Variants in SCN8A observed in about 807,000 individuals in gnomAD.
SCN8A encodes sodium channel protein type 8 subunit alpha.
In SCN8A, 30 loss-of-function variants were observed where a neutral mutation model predicts 184.1. The observed-to-expected ratio is 0.16, with a 90% CI of 0.12 to 0.22. The LOEUF (loss-of-function observed/expected upper bound fraction) is 0.22. SCN8A is among the 10% of genes least tolerant of loss of function. The probability of loss-of-function intolerance (pLI) is 1.00; values close to 1 mark genes in which losing one functional copy is unlikely to be tolerated. For synonymous variants in SCN8A, 852 were observed against 907.0 expected (o/e 0.94, Z 1.09); for missense variants, 1,057 against 2,498.9 (o/e 0.42, Z 12.30).
chr12:51,807,400 CAA>C lies in SCN8A; in HGVS notation c.5918_5919del (p.Lys1973ArgfsTer24). 1.2e-6 allele frequency: 2 copies of C among 1,612,024 alleles called. No individual in the cohort carries two copies. Among genetic ancestry groups the C allele is most frequent in the Non-Finnish European group, 1.7e-6 (2 of 1,178,986 alleles). ...EEGRRERAKR[Q>X]KEVRESKC ...AGGAAGAAGGGAAAGAGCCAAAAGACAAAAAGAGGTCAGAGAATCCAAGTGTT... is the reference window on the plus strand; with the variant it reads ...AGGAAGAAGGGAAAGAGCCAAAAGACAAAGAGGTCAGAGAATCCAAGTGTT... On this transcript the variant is annotated frameshift_variant, in exon 27 of 27. Transcript: ENST00000627620. LOFTEE classifies it high-confidence loss of function. This position sits in a 1 kb window ranked among gnomAD's most constrained non-coding sequence, Gnocchi z 4.5.
At chr12:51,674,239 G>A (rs1941182996) in intron 2 of SCN8A, among the ~76,000 whole-genome samples, 1 of 152,196 alleles carries the variant, frequency 6.6e-6, no homozygotes, top group African/African-American at 2.4e-5. Flanking sequence ...CCTTGCTCTG[G>A]ATTCTTGCTC....
chr12:51,629,114 G>C (rs1940141199), intron 1 of SCN8A, among the ~76,000 whole-genome samples: 1 of 152,210 alleles, frequency 6.6e-6, no homozygotes, highest in African/African-American at 2.4e-5. Context: ...AGCTCGTAGA[G>C]GCAAATTCTA....
At chr12:51,613,004 G>C (rs1939755918) in intron 1 of SCN8A, among the ~76,000 whole-genome samples, 2 of 152,140 alleles carry the variant, frequency 1.3e-5, no homozygotes, top group African/African-American at 2.4e-5. Context: ...TTATAGGTGT[G>C]AGCCACCATA....
chr12:51,594,890 A>C (rs1939311318), intron 1 of SCN8A, among the ~76,000 whole-genome samples: 2 of 152,086 alleles, frequency 1.3e-5, no homozygotes, highest in South Asian at 4.1e-4. Flanking sequence ...TTTATAGTTC[A>C]CTTGCTAGTC....
intron 15 of SCN8A, among the ~76,000 whole-genome samples, chr12:51,765,404 C>G (rs1035065207): frequency 2.6e-5 from 4 of 152,110 alleles, no homozygotes; most frequent in African/African-American, 4.8e-5. Context: ...CAGACTGACT[C>G]AGATCTAAAG....
chr12:51,644,759 T>C (rs2138638383), intron 1 of SCN8A, among the ~76,000 whole-genome samples: 2 of 150,952 alleles, frequency 1.3e-5, no homozygotes, highest in South Asian at 2.1e-4. Context: ...GGAGCGTCTC[T>C]GCCCGGCCGC....
chr12:51,729,763 C>G lies in SCN8A; in HGVS notation c.1998+7855C>G, dbSNP rs188162848. On this transcript the variant is annotated intron_variant, in intron 12 of 26. Coordinates refer to ENST00000627620, the MANE Select transcript of SCN8A (RefSeq NM_001330260.2). The stretch of plus-strand genomic sequence containing the variant: ...GCCAAACAGTTCCTCAGAATAGTTA[C>G]ACCATTTTTTTATCCCACCAACAAT... 2.0e-5 allele frequency among the ~76,000 whole-genome samples: 3 copies of G among 152,208 alleles called. No individual in the cohort carries two copies. The East Asian group carries it at 5.8e-4, about 29-fold the overall frequency.
intron 1 of SCN8A, among the ~76,000 whole-genome samples, chr12:51,628,860 T>G (rs1746155709): frequency 6.6e-6 from 1 of 152,192 alleles, no homozygotes; most frequent in African/African-American, 2.4e-5. Flanking sequence ...TGGATAATAT[T>G]TTTACGGATG....
At chr12:51,668,957 C>A (rs1014785936) in intron 2 of SCN8A, among the ~76,000 whole-genome samples, 1 of 152,142 alleles carries the variant, frequency 6.6e-6, no homozygotes, top group Non-Finnish European at 1.5e-5. Flanking sequence ...CAAATCTAGA[C>A]GATGTAGCCT....
intron 1 of SCN8A, among the ~76,000 whole-genome samples, chr12:51,606,825 G>GTATTT (rs56405324): frequency 0.1 from 15,494 of 149,932 alleles, 897 homozygotes; most frequent in African/African-American, 0.13. Flanking sequence ...ATATTCCTAA[G>GTATTT]TATTTTATTT....
chr12:51,595,774 G>C (rs1287702602), intron 1 of SCN8A, among the ~76,000 whole-genome samples: 5 of 152,144 alleles, frequency 3.3e-5, no homozygotes, highest in Non-Finnish European at 5.9e-5. Context: ...GTATGTATTT[G>C]ACGTAGTATA....
Position 51,666,470 on chromosome 12 carries a change from C to A in SCN8A, c.276+3377C>A, listed in dbSNP as rs1246061984. On this transcript the variant is annotated intron_variant, in intron 2 of 26. Transcript: ENST00000627620. Reference sequence around the variant, plus strand: ...TAGCAAGATCTCTTCTACAAGGAAGCACACTGGGAATTAACCCACAAATCA... The same window carrying A: ...TAGCAAGATCTCTTCTACAAGGAAGAACACTGGGAATTAACCCACAAATCA... Among the ~76,000 whole-genome samples the A allele has an allele frequency of 2.0e-5, 3 of 152,216 alleles. No homozygotes were observed. The East Asian group carries it at 5.8e-4, about 29-fold the overall frequency.
intron 11 of SCN8A, among the ~76,000 whole-genome samples, chr12:51,716,154 C>T (rs532903032): frequency 7.2e-6 from 1 of 138,930 alleles, no homozygotes; most frequent in Non-Finnish European, 1.6e-5. Context: ...GGCAACATGG[C>T]GAAACCCTGT....
chr12:51,712,501 A>G (rs1941895251), intron 11 of SCN8A: 2 of 770,618 alleles, frequency 2.6e-6, no homozygotes, highest in African/African-American at 1.7e-5. Context: ...TTCCACCACT[A>G]GATGCATAAC....
At chr12:51,663,137 A>G in intron 2 of SCN8A, 44 bp downstream of exon 2, 1 of 1,604,252 alleles carries the variant, frequency 6.2e-7, no homozygotes, top group Non-Finnish European at 8.5e-7. Flanking sequence ...CTGTTTCCTA[A>G]CAGGCTTAGG....
At position 51,805,104 on chromosome 12, in the gene SCN8A, G is replaced by GA. The variant is rs553958990; in HGVS notation, c.4796-1170dup. 1.4e-3 allele frequency among the ~76,000 whole-genome samples: 205 copies of GA among 151,512 alleles called. 1 individual carries two copies. The highest frequency in any genetic ancestry group is 4.8e-3 in the African/African-American group (199 of 41,320). ...GGAAAATCATATGTGCACAAATCTG[G>GA]AAAAAAAACCTAATCATTCTTGAGT... On this transcript the variant is annotated intron_variant, in intron 26 of 26. Coordinates refer to ENST00000627620, the MANE Select transcript of SCN8A (RefSeq NM_001330260.2).
chr12:51,675,754 A>G (rs1941212234), intron 2 of SCN8A, among the ~76,000 whole-genome samples: 1 of 152,220 alleles, frequency 6.6e-6, no homozygotes, highest in African/African-American at 2.4e-5. Context: ...TTAAGAGTAT[A>G]GGCTTTGTAG....
chr12:51,659,615 T>G (rs1028408217), intron 1 of SCN8A, among the ~76,000 whole-genome samples: 9 of 152,050 alleles, frequency 5.9e-5, no homozygotes, highest in African/African-American at 2.2e-4. Context: ...ACTGGTAAGT[T>G]TGAGGGAGGG....
At chr12:51,603,604 A>G (rs1360586816) in intron 1 of SCN8A, among the ~76,000 whole-genome samples, 2 of 152,220 alleles carry the variant, frequency 1.3e-5, no homozygotes, top group African/African-American at 2.4e-5. Context: ...TTTATAAGCA[A>G]CTAACAACTG....
Sources: allele counts gnomAD v4.1 joint callset (sites outside exome capture counted in the v4.1 genomes callset), GRCh38; gene constraint gnomAD v4.1.1; non-coding constraint Gnocchi (gnomAD v3.1); transcripts MANE v1.5; gene names NCBI Gene and HGNC (gene_info 2026-07-23, HGNC 2026-07-21).